The following MAFG variants were observed in gnomAD, a reference collection of about 807,000 sequenced individuals.
MAFG encodes transcription factor MafG.
Under a neutral mutation model 12.2 loss-of-function variants are expected in MAFG, and 3 were observed. The ratio of observed to expected loss-of-function variants is 0.25; its 90% CI spans 0.11 to 0.64. MAFG has a LOEUF of 0.64. MAFG is among the 30% of genes least tolerant of loss of function. The pLI is 0.85. For synonymous variants in MAFG, 126 were observed against 109.1 expected (o/e 1.15, Z -0.96); for missense variants, 153 against 235.5 (o/e 0.65, Z 2.29).
rs1369601804 is a variant in MAFG, at chr17:81,922,675, A to G, written c.419T>C (p.Leu140Pro). ...RGPLAAGLGP[L>P]VPGKVAATSV... Reference sequence around the variant, plus strand: ...GGTGGCGGCCACCTTGCCTGGGACGAGGGGCCCCAGGCCGGCGGCAAGGGG... The same window carrying G: ...GGTGGCGGCCACCTTGCCTGGGACGGGGGGCCCCAGGCCGGCGGCAAGGGG... The change falls in exon 3 of 3, where the codon CTC (leucine) becomes CCC (proline). Residue 140 changes from leucine (L) to proline (P), a missense_variant. By Grantham distance (98) the Leu-to-Pro change is moderately conservative (BLOSUM62 -3). Around this residue, in one of 3 missense-constraint regions of MAFG, gnomAD observed 81 missense variants for 94.7 expected, o/e 0.86. Transcript: ENST00000357736. The G allele has an allele frequency of 6.6e-7, 1 of 1,506,840 alleles. No homozygotes were observed. The highest frequency in any genetic ancestry group is 8.8e-7 in the Non-Finnish European group (1 of 1,132,986). 93.3% of individuals were successfully genotyped at this position (1,506,840 alleles called of 1,614,324 possible).
Position 81,922,760 on chromosome 17 carries a change from C to T in MAFG, c.334G>A (p.Glu112Lys), listed in dbSNP as rs773709317. ...GTCCGGGCGAAGGTCTGCAGCGCCT[C>T]GTACTTGGAGCGCAGCGCGTCGAGC... Reference protein sequence around the residue: ...LELDALRSKYEALQTFARTVA... With the variant: ...LELDALRSKYKALQTFARTVA... Residue 112 changes from glutamate to lysine, a missense_variant, in exon 3 of 3, where the codon GAG becomes AAG. Around this residue, in one of 3 missense-constraint regions of MAFG, gnomAD observed 81 missense variants for 94.7 expected, o/e 0.86. Coordinates refer to ENST00000357736, the MANE Select transcript of MAFG (RefSeq NM_002359.4). The T allele has an allele frequency of 3.8e-6, 6 of 1,592,964 alleles. No individual in the cohort carries two copies. Among genetic ancestry groups the T allele is most frequent in the East Asian group, 2.3e-5 (1 of 44,022 alleles).
Position 81,922,531 on chromosome 17 carries a change from C to G in MAFG, c.*74G>C, listed in dbSNP as rs181719577. On this transcript the variant is annotated 3_prime_UTR_variant, in exon 3 of 3. Transcript: ENST00000357736. Reference sequence around the variant, plus strand: ...AGGGAGGAAAGAGAAGAGAAGGAAACAGAGGGACAGGGCAGCCAAATTCGC... The same window carrying G: ...AGGGAGGAAAGAGAAGAGAAGGAAAGAGAGGGACAGGGCAGCCAAATTCGC... 16 of 1,157,174 alleles carry G rather than the reference C, an allele frequency of 1.4e-5. No homozygotes were observed. In the East Asian group the frequency reaches 4.7e-4, roughly 34 times the overall value. The allele number at this position is 1,157,174 out of a possible 1,614,324, so 71.7% of individuals were successfully genotyped here.
Position 81,922,498 on chromosome 17 carries a change from G to A in MAFG, c.*107C>T. ...GCTTTGCAGGGAAGAGAGAAGGGTG[G>A]GGAAGAGAGGGAGGAAAGAGAAGAG... On this transcript the variant is annotated 3_prime_UTR_variant, in exon 3 of 3. Coordinates refer to ENST00000357736, the MANE Select transcript of MAFG (RefSeq NM_002359.4). The A allele has an allele frequency of 1.1e-6, 1 of 894,466 alleles. No homozygotes were observed. The highest frequency in any genetic ancestry group is 3.1e-5 in the East Asian group (1 of 32,014). The allele number at this position is 894,466 out of a possible 1,614,324, so 55.4% of individuals were successfully genotyped here.
At chr17:81,928,370 C>T (rs1057235750), upstream of MAFG, 1 of 152,252 alleles carries the variant, frequency 6.6e-6, no homozygotes, top group African/African-American at 2.4e-5. The surrounding 1 kb of genome is among the most constrained non-coding windows in gnomAD (Gnocchi z 8.1). Flanking sequence ...GATCCCGTGT[C>T]TGGACTTTCT....
At chr17:81,931,225 C>T (rs2040984357), upstream of MAFG, among the ~76,000 whole-genome samples, 1 of 152,244 alleles carries the variant, frequency 6.6e-6, no homozygotes, top group African/African-American at 2.4e-5. Context: ...TCCTCACCTC[C>T]CTGTGCTTCC....
intron 1 of MAFG, among the ~76,000 whole-genome samples, chr17:81,927,316 G>A (rs1208849903): frequency 1.3e-5 from 2 of 151,368 alleles, no homozygotes; most frequent in Non-Finnish European, 3.0e-5. Context: ...CGGGCGCCAG[G>A]GGCAGGAGGA....
chr17:81,923,317 C>T (rs1394097488), intron 1 of MAFG, 103 bp from the exon 2 acceptor site: 13 of 727,590 alleles, frequency 1.8e-5, no homozygotes, highest in Non-Finnish European at 2.6e-5. Context: ...GCACAGCCCG[C>T]CCCAGCCTGC....
At chr17:81,925,996 CTGTGTG>C (rs532478689) in intron 1 of MAFG, among the ~76,000 whole-genome samples, 15 of 88,910 alleles carry the variant, frequency 1.7e-4, no homozygotes, top group Non-Finnish European at 2.0e-4. Flanking sequence ...GAGAATGGAC[CTGTGTG>C]TGTGTGTGTG....
chr17:81,920,798 G>A lies in MAFG; in HGVS notation c.*1807C>T, dbSNP rs562683984. The A allele has an allele frequency of 1.3e-5, 2 of 152,502 alleles. No homozygotes were observed. Among genetic ancestry groups the A allele is most frequent in the Middle Eastern group, 6.7e-3 (2 of 298 alleles). 9.4% of individuals were successfully genotyped at this position (152,502 alleles called of 1,614,324 possible). A position where few individuals can be genotyped will look rare whatever the true frequency, so the allele number is the denominator to read the frequency against. The stretch of plus-strand genomic sequence containing the variant: ...CCCGGCCCTGGAGACTGTAGCCCTT[G>A]TCTGCACTGGTGGAGACCCCCAAGG... On this transcript the variant is annotated 3_prime_UTR_variant, in exon 3 of 3. Coordinates refer to ENST00000357736, the MANE Select transcript of MAFG (RefSeq NM_002359.4).
In MAFG at chr17:81,927,700, T is replaced by TCCGCCG. The variant is rs571057035; in HGVS notation, c.-208_-203dup. On this transcript the variant is annotated 5_prime_UTR_variant, in exon 1 of 3. Transcript: ENST00000357736. Reference sequence around the variant, plus strand: ...AGGCCGGGCCGGACCAGGCTCGGGATCCGCCGCCGCCGCCGCCGCTCCACA... The same window carrying TCCGCCG: ...AGGCCGGGCCGGACCAGGCTCGGGATCCGCCGCCGCCGCCGCCGCCGCCGCTCCACA... 6.2e-4 allele frequency: 91 copies of TCCGCCG among 147,874 alleles called. 2 individuals are homozygous for TCCGCCG. The highest frequency in any genetic ancestry group is 3.8e-3 in the Middle Eastern group (1 of 264). The allele number at this position is 147,874 out of a possible 1,614,324, so 9.2% of individuals were successfully genotyped here.
chr17:81,927,303 A>C lies in MAFG; in HGVS notation c.-30+225T>G, dbSNP rs992082257. Among the ~76,000 whole-genome samples, 123 of 148,498 alleles carry C rather than the reference A, an allele frequency of 8.3e-4. 1 individual carries two copies. Among genetic ancestry groups the C allele is most frequent in the African/African-American group, 3.0e-3 (119 of 40,132 alleles). On this transcript the variant is annotated intron_variant, in intron 1 of 2. Coordinates refer to ENST00000357736, the MANE Select transcript of MAFG (RefSeq NM_002359.4). ...CCGCCGCCCGCGGCCCACCTCCAGT[A>C]CCCGGGCGCCAGGGGCAGGAGGAGC...
upstream of MAFG, among the ~76,000 whole-genome samples, chr17:81,928,620 T>G (rs578189428): frequency 4.7e-4 from 72 of 152,328 alleles, no homozygotes; most frequent in African/African-American, 1.3e-3. The surrounding 1 kb of genome is among the most constrained non-coding windows in gnomAD (Gnocchi z 8.1). Context: ...TGTCGCCGTG[T>G]GCGCTGTGGG....
Position 81,919,194 on chromosome 17 carries a change from C to A in MAFG, c.*3411G>T, listed in dbSNP as rs2040861458. 1 of 152,282 alleles carries A rather than the reference C, an allele frequency of 6.6e-6. No individual in the cohort carries two copies. The allele number at this position is 152,282 out of a possible 1,614,324, so 9.4% of individuals were successfully genotyped here. ...CAAACCACAGCCTAAAAAAGTAACTCACAAGATCCCAGAGCGGAAACGGTG... is the reference window on the plus strand; with the variant it reads ...CAAACCACAGCCTAAAAAAGTAACTAACAAGATCCCAGAGCGGAAACGGTG... On this transcript the variant is annotated 3_prime_UTR_variant, in exon 3 of 3. Transcript: ENST00000357736.
upstream of MAFG, among the ~76,000 whole-genome samples, chr17:81,929,222 C>T (rs1598349442): frequency 1.3e-5 from 2 of 152,322 alleles, no homozygotes; most frequent in Non-Finnish European, 2.9e-5. The surrounding 1 kb of genome is among the most constrained non-coding windows in gnomAD (Gnocchi z 5.7). Flanking sequence ...CTGTCTTCTC[C>T]TGGGAAGGAG....
Position 81,922,745 on chromosome 17 carries a change from A to C in MAFG, c.349T>G (p.Phe117Val), listed in dbSNP as rs1292664388. The change falls in exon 3 of 3, where the codon TTC becomes GTC. Residue 117 changes from phenylalanine to valine, a missense_variant. Transcript: ENST00000357736. ...LRSKYEALQTFARTVARSPVA... is the reference protein window; with the variant it reads ...LRSKYEALQTVARTVARSPVA... ...GGGCTGCGGGCCACCGTCCGGGCGA[A>C]GGTCTGCAGCGCCTCGTACTTGGAG... The C allele has an allele frequency of 6.3e-7, 1 of 1,583,502 alleles. No individual in the cohort carries two copies. The highest frequency in any genetic ancestry group is 1.1e-5 in the South Asian group (1 of 87,748).
Position 81,922,987 on chromosome 17 carries a change from T to G in MAFG, c.107A>C (p.Glu36Ala). The change falls in exon 3 of 3, where the codon GAG becomes GCG. Residue 36 changes from glutamate (E) to alanine (A), a missense_variant. Coordinates refer to ENST00000357736, the MANE Select transcript of MAFG (RefSeq NM_002359.4). The part of the protein sequence containing the change: ...DEELVTMSVR[E>A]LNQHLRGLSK... ...CAGGCCCCGCAGGTGCTGGTTCAGC[T>G]CCCGCACCGACATGGTCACCAGCTC... The G allele has an allele frequency of 6.3e-7, 1 of 1,598,180 alleles. No individual in the cohort carries two copies. Among genetic ancestry groups the G allele is most frequent in the Non-Finnish European group, 8.5e-7 (1 of 1,172,410 alleles).
Position 81,926,016 on chromosome 17 carries a change from G to A in MAFG, c.-30+1512C>T, listed in dbSNP as rs996091807. ...TGGACCTGTGTGTGTGTGTGTGTGT[G>A]TGTGTGTGTGTGGCGGGGGGCGGGG... On this transcript the variant is annotated intron_variant, in intron 1 of 2. Transcript: ENST00000357736. This position sits in a 1 kb window ranked among gnomAD's most constrained non-coding sequence, Gnocchi z 4.6. Among the ~76,000 whole-genome samples the A allele has an allele frequency of 7.6e-6, 1 of 131,900 alleles. No individual in the cohort carries two copies. The highest frequency in any genetic ancestry group is 1.6e-5 in the Non-Finnish European group (1 of 62,104). The allele number at this position is 131,900 out of a possible 152,430, so 86.5% of individuals were successfully genotyped here.
rs2040907646 is a variant in MAFG at position 81,923,021 on chromosome 17, T to C, written c.73A>G (p.Thr25Ala). 11 of 1,597,710 alleles carry C rather than the reference T, an allele frequency of 6.9e-6. No homozygotes were observed. Among genetic ancestry groups the C allele is most frequent in the Non-Finnish European group, 9.4e-6 (11 of 1,172,072 alleles). ...REPGENGTSL[T>A]DEELVTMSVR... ...GACATGGTCACCAGCTCCTCATCCG[T>C]CAGGCTGGTGCCATTCTCACCCGGC... Residue 25 changes from threonine to alanine, a missense_variant, in exon 3 of 3, where the codon ACG (threonine) becomes GCG (alanine). Thr to Ala is a moderately conservative substitution (Grantham distance 58, BLOSUM62 0). This residue lies in a region of MAFG where 43 missense variants were observed against 65.6 expected (regional missense o/e 0.66). Transcript: ENST00000357736.
Position 81,923,213 on chromosome 17 carries a change from C to G in MAFG, c.-28G>C. 6.3e-7 allele frequency: 1 copy of G among 1,575,660 alleles called. No individual in the cohort carries two copies. On this transcript the variant is annotated splice_region_variant and 5_prime_UTR_variant, in exon 2 of 3. Transcript: ENST00000357736. ...CCCGGGGGCACAGCGAGCAGGCGCT[C>G]TCTGCAAGACACGGAGCAGGTCAGT... is the stretch of plus-strand genomic sequence containing the variant.
Sources: gnomAD v4.1 joint callset for allele counts (sites outside exome capture counted in the v4.1 genomes callset) on GRCh38, gnomAD v4.1.1 for gene constraint, gnomAD v4.1.1 regional missense constraint, Gnocchi (gnomAD v3.1) non-coding constraint, MANE v1.5 for transcripts, NCBI Gene and HGNC (gene_info 2026-07-23, HGNC 2026-07-21) for gene names.